TBC1D4: variants seen among roughly 807,000 people sequenced by gnomAD.
TBC1D4 encodes TBC (Tre-2, BUB2, CDC16) domain-containing protein.
Under a neutral mutation model 142.5 loss-of-function variants are expected in TBC1D4, and 121 were observed. That is an observed-to-expected ratio of 0.85 (90% CI 0.73 to 0.99). The LOEUF (loss-of-function observed/expected upper bound fraction) is 0.99. Among genes scored for constraint, TBC1D4 ranks in the 50% least tolerant of loss-of-function variants. The pLI, the probability that TBC1D4 is intolerant of heterozygous loss-of-function variation, is 0.00. For missense variants in TBC1D4, 1,475 were observed against 1,606.6 expected, an observed-to-expected ratio of 0.92 and a Z score of 1.40; for synonymous variants, 630 against 628.2, an observed-to-expected ratio of 1.00 and a Z score of -0.04.
At chr13:75,465,984 A>C (rs535791380) in intron 1 of TBC1D4, among the ~76,000 whole-genome samples, 16 of 152,166 alleles carry the variant, frequency 1.1e-4, no homozygotes, top group Non-Finnish European at 1.8e-4. Context: ...GACTGAACCA[A>C]CGTACATCTC....
At chr13:75,468,872 T>C (rs1280200439) in intron 1 of TBC1D4, among the ~76,000 whole-genome samples, 1 of 152,192 alleles carries the variant, frequency 6.6e-6, no homozygotes, top group Non-Finnish European at 1.5e-5. Flanking sequence ...CACACAACCA[T>C]GTGCAGGTAA....
At chr13:75,427,676 C>G (rs959002251) in intron 1 of TBC1D4, among the ~76,000 whole-genome samples, 4 of 152,178 alleles carry the variant, frequency 2.6e-5, no homozygotes, top group African/African-American at 9.7e-5. Flanking sequence ...TACTCACGCT[C>G]GAATTATTCA....
chr13:75,469,389 G>A (rs1052069327), intron 1 of TBC1D4, among the ~76,000 whole-genome samples: 2 of 152,118 alleles, frequency 1.3e-5, no homozygotes, highest in African/African-American at 2.4e-5. Flanking sequence ...AAGGAGAAGA[G>A]GTGAGAGGCA....
At chr13:75,414,833 G>A (rs549148694) in intron 1 of TBC1D4, among the ~76,000 whole-genome samples, 85 of 152,200 alleles carry the variant, frequency 5.6e-4, no homozygotes, top group Admixed American at 4.1e-3. Context: ...AAAGCAAATC[G>A]AAAGTATGGG....
intron 12 of TBC1D4, 116 bp downstream of exon 12, chr13:75,319,898 A>G: frequency 9.3e-7 from 1 of 1,070,004 alleles, no homozygotes; most frequent in Non-Finnish European, 1.4e-6. Context: ...CAGAGCACTC[A>G]GAAAGATGGC....
intron 1 of TBC1D4, among the ~76,000 whole-genome samples, chr13:75,460,748 T>G (rs918512984): frequency 6.6e-6 from 1 of 151,916 alleles, no homozygotes; most frequent in Non-Finnish European, 1.5e-5. Flanking sequence ...CAGCGAGACC[T>G]CATCTTCACT....
intron 4 of TBC1D4, among the ~76,000 whole-genome samples, chr13:75,349,896 A>G (rs1196103433): frequency 6.6e-6 from 1 of 152,168 alleles, no homozygotes; most frequent in Non-Finnish European, 1.5e-5. Flanking sequence ...TTGTGACACT[A>G]AGAAGGTCTT....
chr13:75,326,826 G>C (rs1170946104), intron 9 of TBC1D4, among the ~76,000 whole-genome samples: 1 of 152,182 alleles, frequency 6.6e-6, no homozygotes, highest in African/African-American at 2.4e-5. Flanking sequence ...AAAGAGGGTG[G>C]AGTCTGTGTT....
chr13:75,347,383 T>C (rs1414133556), intron 5 of TBC1D4, among the ~76,000 whole-genome samples: 2 of 152,232 alleles, frequency 1.3e-5, no homozygotes, highest in Non-Finnish European at 2.9e-5. Flanking sequence ...TTACAAATTC[T>C]GGATTCCAAT....
chr13:75,441,272 G>C (rs145870404), intron 1 of TBC1D4, among the ~76,000 whole-genome samples: 3 of 151,958 alleles, frequency 2.0e-5, no homozygotes, highest in African/African-American at 7.2e-5. Flanking sequence ...CAAGGAGGAG[G>C]GGGTACAAGG....
At chr13:75,300,369 G>T (rs1876401081) in intron 16 of TBC1D4, among the ~76,000 whole-genome samples, 1 of 127,766 alleles carries the variant, frequency 7.8e-6, no homozygotes, top group South Asian at 2.4e-4. Flanking sequence ...CATCAAAGCT[G>T]TCTATATTGG....
chr13:75,319,929 A>T (rs1878612857), intron 12 of TBC1D4, 85 bp downstream of exon 12: 1 of 1,491,478 alleles, frequency 6.7e-7, no homozygotes, highest in Non-Finnish European at 9.2e-7. Context: ...GAGACAAACA[A>T]AACTGCTTTT....
In TBC1D4 at chr13:75,294,848, T is replaced by G. The variant is rs777694857; in HGVS notation, c.3316+6A>C. ...ACTGTTCCATTTAATTACAGGTATC[T>G]CTTACCAAAAACTCTGGCTACAAAT... On this transcript the variant is annotated splice_donor_region_variant and intron_variant, in intron 18 of 20. Coordinates refer to ENST00000377636, the MANE Select transcript of TBC1D4 (RefSeq NM_014832.5). 1 of 1,613,534 alleles carries G rather than the reference T, an allele frequency of 6.2e-7. No individual in the cohort carries two copies. Among genetic ancestry groups the G allele is most frequent in the East Asian group, 2.2e-5 (1 of 44,850 alleles).
chr13:75,298,766 T>TAC (rs767678319), intron 17 of TBC1D4, among the ~76,000 whole-genome samples: 162 of 142,882 alleles, frequency 1.1e-3, no homozygotes, highest in South Asian at 3.4e-3. Flanking sequence ...CACACACACA[T>TAC]ACACACACAC....
rs1435075198 is a variant in TBC1D4 at position 75,311,539 on chromosome 13, G to A, written c.2383+1199C>T. ...GGCTCTCTTACTAGCTTTTTGAGTT[G>A]AACACTCAGTGTAACTAATTTTTGG... is the stretch of plus-strand genomic sequence containing the variant. On this transcript the variant is annotated intron_variant, in intron 13 of 20. Coordinates refer to ENST00000377636, the MANE Select transcript of TBC1D4 (RefSeq NM_014832.5). Among the ~76,000 whole-genome samples the A allele has an allele frequency of 3.3e-5, 5 of 151,842 alleles. No homozygotes were observed. The South Asian group carries it at 8.3e-4, about 25-fold the overall frequency.
chr13:75,349,439 G>A (rs1881426928), intron 4 of TBC1D4, 137 bp from the exon 5 acceptor site: 2 of 1,165,470 alleles, frequency 1.7e-6, no homozygotes, highest in South Asian at 1.3e-5. Flanking sequence ...AGTTAGCCGA[G>A]AGAAAATACT....
chr13:75,297,288 A>G (rs1876030153), intron 17 of TBC1D4, among the ~76,000 whole-genome samples: 1 of 152,346 alleles, frequency 6.6e-6, no homozygotes, highest in African/African-American at 2.4e-5. Context: ...TTGAAATATC[A>G]TTGTATTTTT....
intron 2 of TBC1D4, among the ~76,000 whole-genome samples, chr13:75,360,403 A>C (rs1448806567): frequency 6.6e-6 from 1 of 152,212 alleles, no homozygotes; most frequent in Non-Finnish European, 1.5e-5. Context: ...TTAATGACAT[A>C]CCTTGAGTTC....
At chr13:75,366,304 G>A (rs904260074) in intron 1 of TBC1D4, among the ~76,000 whole-genome samples, 5 of 152,176 alleles carry the variant, frequency 3.3e-5, no homozygotes, top group African/African-American at 1.2e-4. Context: ...AATAGTTGTT[G>A]CACCTCTGCC....
Sources: gnomAD v4.1 joint callset for allele counts (sites outside exome capture counted in the v4.1 genomes callset) on GRCh38, gnomAD v4.1.1 for gene constraint, MANE v1.5 for transcripts, NCBI Gene and HGNC (gene_info 2026-07-23, HGNC 2026-07-21) for gene names.